The following BMP2K variants were observed in gnomAD, a reference collection of about 807,000 sequenced individuals.
BMP2K encodes the protein BMP-2-inducible protein kinase.
BMP2K carries 74 observed loss-of-function variants against 116.0 expected under a neutral mutation model. The ratio of observed to expected loss-of-function variants is 0.64; its 90% CI spans 0.53 to 0.77. BMP2K has a LOEUF of 0.77. Ranked by LOEUF, BMP2K falls within the 30% of genes least tolerant of loss-of-function variation. The probability of loss-of-function intolerance (pLI) is 0.00; values close to 1 mark genes in which losing one functional copy is unlikely to be tolerated. For missense variants in BMP2K, 1,365 were observed against 1,403.6 expected, an observed-to-expected ratio of 0.97 and a Z score of 0.44; for synonymous variants, 486 against 502.5, an observed-to-expected ratio of 0.97 and a Z score of 0.44.
intron 1 of BMP2K, among the ~76,000 whole-genome samples, chr4:78,806,139 G>GGT (rs200484007): frequency 2.7e-4 from 40 of 148,696 alleles, no homozygotes; most frequent in Non-Finnish European, 3.8e-4. Flanking sequence ...TCTGATAGGG[G>GGT]GTGTGTGTGT....
intron 14 of BMP2K, among the ~76,000 whole-genome samples, chr4:78,886,792 A>T (rs1733116320): frequency 6.6e-6 from 1 of 152,202 alleles, no homozygotes; most frequent in Non-Finnish European, 1.5e-5. Flanking sequence ...TGGATGAATG[A>T]CCATTTGCAA....
intron 2 of BMP2K, among the ~76,000 whole-genome samples, chr4:78,830,621 G>C (rs1306483950): frequency 6.6e-6 from 1 of 152,224 alleles, no homozygotes; most frequent in East Asian, 1.9e-4. Flanking sequence ...ACCTTCATCA[G>C]TTGTCTTAGT....
chr4:78,844,756 A>G (rs552751713), intron 4 of BMP2K, among the ~76,000 whole-genome samples, 172 bp from the exon 5 acceptor site: 24 of 151,738 alleles, frequency 1.6e-4, no homozygotes, highest in African/African-American at 5.8e-4. Flanking sequence ...CTGTGCACAT[A>G]TATGTATATA....
intron 15 of BMP2K, among the ~76,000 whole-genome samples, chr4:78,887,798 G>A (rs1733180484): frequency 6.6e-6 from 1 of 152,158 alleles, no homozygotes; most frequent in Admixed American, 6.6e-5. Flanking sequence ...ACACTTGGAA[G>A]ATACTAGGAT....
chr4:78,791,882 G>A (rs550628281), intron 1 of BMP2K, among the ~76,000 whole-genome samples: 41 of 152,300 alleles, frequency 2.7e-4, no homozygotes, highest in African/African-American at 9.6e-4. Context: ...TGGCTGTTGT[G>A]AATAATGCTG....
chr4:78,786,953 T>TA (rs1278135403), intron 1 of BMP2K, among the ~76,000 whole-genome samples: 1 of 152,212 alleles, frequency 6.6e-6, no homozygotes, highest in Non-Finnish European at 1.5e-5. Flanking sequence ...GGGATCTTGT[T>TA]ACGTTATCCA....
At chr4:78,795,082 A>G (rs1391792860) in intron 1 of BMP2K, among the ~76,000 whole-genome samples, 1 of 152,238 alleles carries the variant, frequency 6.6e-6, no homozygotes, top group Non-Finnish European at 1.5e-5. Context: ...GTTGAAGTGA[A>G]GAGAGAATGC....
chr4:78,884,884 T>C (rs890137676), intron 14 of BMP2K, among the ~76,000 whole-genome samples: 3 of 152,350 alleles, frequency 2.0e-5, no homozygotes, highest in Non-Finnish European at 2.9e-5. Flanking sequence ...TTCTTCAACC[T>C]TTTGCAGAAA....
intron 1 of BMP2K, among the ~76,000 whole-genome samples, chr4:78,818,019 G>A (rs1253054869): frequency 6.6e-6 from 1 of 152,058 alleles, no homozygotes; most frequent in East Asian, 1.9e-4. Context: ...AAAATGGATG[G>A]GGGAGGCATT....
intron 1 of BMP2K, among the ~76,000 whole-genome samples, chr4:78,802,214 T>C (rs1433245551): frequency 6.6e-6 from 1 of 152,234 alleles, no homozygotes; most frequent in East Asian, 1.9e-4. Context: ...CTAAAGTGCT[T>C]TGTGGGTCTA....
chr4:78,860,085 T>C (rs1179946636), intron 8 of BMP2K: 2 of 513,480 alleles, frequency 3.9e-6, no homozygotes, highest in Non-Finnish European at 7.7e-6. Flanking sequence ...ACTGAGTAAG[T>C]TTGGGAAACT....
chr4:78,780,335 C>T (rs897223392), intron 1 of BMP2K, among the ~76,000 whole-genome samples: 5 of 152,070 alleles, frequency 3.3e-5, no homozygotes, highest in African/African-American at 1.2e-4. Flanking sequence ...GTAAGATTTA[C>T]TGAGATGGGT....
chr4:78,906,088 C>T (rs1235316577), intron 15 of BMP2K: 1 of 152,094 alleles, frequency 6.6e-6, no homozygotes, highest in Non-Finnish European at 1.5e-5. Flanking sequence ...AAGTAGATCA[C>T]TGCTACTGCA....
intron 1 of BMP2K, among the ~76,000 whole-genome samples, chr4:78,794,022 A>C (rs898548508): frequency 6.6e-6 from 1 of 152,182 alleles, no homozygotes; most frequent in African/African-American, 2.4e-5. Flanking sequence ...TGGGGTTCAT[A>C]AACATCCATG....
chr4:78,845,084 T>G, intron 5 of BMP2K, 35 bp downstream of exon 5: 1 of 1,516,366 alleles, frequency 6.6e-7, no homozygotes. Flanking sequence ...TTTGTCATGG[T>G]AATTTTAAGT....
intron 15 of BMP2K, among the ~76,000 whole-genome samples, chr4:78,902,453 CCTT>C (rs1373848684): frequency 1.3e-5 from 2 of 151,994 alleles, no homozygotes; most frequent in Non-Finnish European, 2.9e-5. Context: ...TTTGATAAAA[CCTT>C]CTCCTAATCC....
chr4:78,892,401 T>C (rs1256480108), intron 15 of BMP2K, among the ~76,000 whole-genome samples: 1 of 152,232 alleles, frequency 6.6e-6, no homozygotes, highest in African/African-American at 2.4e-5. Flanking sequence ...GTATCATCAT[T>C]TGAAAATGTG....
chr4:78,850,619 A>G (rs2110032659), intron 6 of BMP2K, among the ~76,000 whole-genome samples: 1 of 152,014 alleles, frequency 6.6e-6, no homozygotes, highest in East Asian at 1.9e-4. Flanking sequence ...GTTATGTATT[A>G]AGTATATATT....
At chr4:78,854,910 C>T (rs1731429666) in intron 7 of BMP2K, among the ~76,000 whole-genome samples, 1 of 151,772 alleles carries the variant, frequency 6.6e-6, no homozygotes, top group Non-Finnish European at 1.5e-5. Context: ...CCACTCTCTT[C>T]TCCTATATTA....
Sources: gnomAD v4.1 joint callset for allele counts (sites outside exome capture counted in the v4.1 genomes callset) on GRCh38, gnomAD v4.1.1 for gene constraint, MANE v1.5 for transcripts, NCBI Gene and HGNC (gene_info 2026-07-23, HGNC 2026-07-21) for gene names.